SGPP2: variants seen among roughly 807,000 people sequenced by gnomAD.
SGPP2 encodes the protein sphingosine 1-phosphate phosphohydrolase 2.
In SGPP2, 30 loss-of-function variants were observed where a neutral mutation model predicts 33.9. The observed-to-expected ratio is 0.89, with a 90% CI of 0.66 to 1.20. The LOEUF (loss-of-function observed/expected upper bound fraction) is 1.20, where lower values mean the gene tolerates loss of function less well. Ranked by LOEUF, SGPP2 falls within the 50% of genes most tolerant of loss-of-function variation. The pLI is 0.00. For missense variants in SGPP2, 458 were observed against 532.1 expected (o/e 0.86, Z 1.37); for synonymous variants, 233 against 225.0 (o/e 1.04, Z -0.32).
rs78225544 is a variant in SGPP2, at chr2:222,432,086, T to C, written c.219+7265T>C. Among the ~76,000 whole-genome samples the C allele has an allele frequency of 5.5e-3, 840 of 152,316 alleles. 28 individuals carry two copies. The East Asian group carries it at 0.13, about 23-fold the overall frequency. On this transcript the variant is annotated intron_variant, in intron 1 of 4. Coordinates refer to ENST00000321276, the MANE Select transcript of SGPP2 (RefSeq NM_152386.4). ...GGACTTTATCCTATAGACAAGAAGA[T>C]AGCAGTCAATTTCATCCCGTGTGCC...
intron 4 of SGPP2, among the ~76,000 whole-genome samples, chr2:222,531,287 A>G (rs1434094782): frequency 6.6e-6 from 1 of 152,236 alleles, no homozygotes; most frequent in Non-Finnish European, 1.5e-5. Flanking sequence ...AAGTGCAATC[A>G]AGGGAAGCAG....
rs919468778 is a variant in SGPP2 at position 222,559,088 on chromosome 2, C to T, written c.*190C>T. Reference sequence around the variant, plus strand: ...TGTCTCATAGCGGTCATTGGTCGTCCGTGGTGGTTGGTTGTGCTACAGTTG... The same window carrying T: ...TGTCTCATAGCGGTCATTGGTCGTCTGTGGTGGTTGGTTGTGCTACAGTTG... On this transcript the variant is annotated 3_prime_UTR_variant, in exon 5 of 5. Transcript: ENST00000321276. 2.9e-5 allele frequency: 16 copies of T among 556,700 alleles called. No individual in the cohort carries two copies. Among genetic ancestry groups the T allele is most frequent in the Non-Finnish European group, 4.3e-5 (14 of 323,082 alleles). The allele number at this position is 556,700 out of a possible 1,614,324, so 34.5% of individuals were successfully genotyped here. A position where few individuals can be genotyped will look rare whatever the true frequency, so the allele number is the denominator to read the frequency against.
intron 4 of SGPP2, among the ~76,000 whole-genome samples, chr2:222,529,706 G>T (rs1264362170): frequency 6.6e-6 from 1 of 152,120 alleles, no homozygotes; most frequent in Non-Finnish European, 1.5e-5. Context: ...TTATCCATAA[G>T]GGCTGGAATC....
intron 2 of SGPP2, among the ~76,000 whole-genome samples, chr2:222,479,827 A>AT (rs1698003209): frequency 1.3e-5 from 2 of 151,872 alleles, no homozygotes; most frequent in South Asian, 4.2e-4. Context: ...ACACACAAAA[A>AT]TTTGCAACCT....
chr2:222,542,724 A>G (rs1559174805), intron 4 of SGPP2, among the ~76,000 whole-genome samples: 1 of 148,032 alleles, frequency 6.8e-6, no homozygotes, highest in African/African-American at 2.5e-5. Flanking sequence ...TCTTTTACCT[A>G]TTTTTTTTAT....
Position 222,465,912 on chromosome 2 carries a change from C to T in SGPP2, c.220-8656C>T, listed in dbSNP as rs1251628552. ...ATCCAGGGCTCAGCTCAAATGGCTC[C>T]TCTGTGGCAAGCATCCCCAGACACA... On this transcript the variant is annotated intron_variant, in intron 1 of 4. Coordinates refer to ENST00000321276, the MANE Select transcript of SGPP2 (RefSeq NM_152386.4). This position sits in a 1 kb window ranked among gnomAD's most constrained non-coding sequence, Gnocchi z 4.1. Among the ~76,000 whole-genome samples, 1 of 152,168 alleles carries T rather than the reference C, an allele frequency of 6.6e-6. No homozygotes were observed. The highest frequency in any genetic ancestry group is 1.5e-5 in the Non-Finnish European group (1 of 68,032).
intron 4 of SGPP2, among the ~76,000 whole-genome samples, chr2:222,556,438 A>T (rs77568228): frequency 3.1e-5 from 4 of 129,132 alleles, no homozygotes; most frequent in Non-Finnish European, 3.3e-5. Context: ...GTCTCCCCCC[A>T]ACCCCGGCTC....
intron 2 of SGPP2, among the ~76,000 whole-genome samples, chr2:222,479,576 G>C (rs143668776): frequency 0.1 from 15,598 of 151,218 alleles, 1,047 homozygotes; most frequent in African/African-American, 0.18. Flanking sequence ...CTAATTTTTT[G>C]TATTTTTTAG....
At chr2:222,543,751 C>A (rs950560631) in intron 4 of SGPP2, among the ~76,000 whole-genome samples, 7 of 152,186 alleles carry the variant, frequency 4.6e-5, no homozygotes, top group Non-Finnish European at 1.0e-4. Context: ...TTATTTACTG[C>A]AGTTTTGTTA....
chr2:222,517,676 G>A (rs1212572559), intron 2 of SGPP2, among the ~76,000 whole-genome samples: 1 of 152,236 alleles, frequency 6.6e-6, no homozygotes, highest in Non-Finnish European at 1.5e-5. Flanking sequence ...GGGGCTTTGA[G>A]AGTTGCAGAC....
chr2:222,450,558 A>G (rs1340722808), intron 1 of SGPP2, among the ~76,000 whole-genome samples: 2 of 152,230 alleles, frequency 1.3e-5, no homozygotes. Context: ...CAAAAGCAGT[A>G]AGATGGGTTT....
intron 1 of SGPP2, among the ~76,000 whole-genome samples, chr2:222,466,585 G>A (rs185120033): frequency 2.8e-4 from 42 of 152,182 alleles, no homozygotes; most frequent in African/African-American, 8.9e-4. Context: ...AAAACATAAC[G>A]ACAGTTGTTC....
At chr2:222,496,395 CT>C (rs1559160930) in intron 2 of SGPP2, among the ~76,000 whole-genome samples, 1 of 152,192 alleles carries the variant, frequency 6.6e-6, no homozygotes, top group East Asian at 1.9e-4. Flanking sequence ...ATTTTGTATT[CT>C]GAACATTTCT....
chr2:222,508,836 GT>G (rs553700421), intron 2 of SGPP2, among the ~76,000 whole-genome samples: 146 of 152,158 alleles, frequency 9.6e-4, no homozygotes, highest in African/African-American at 3.4e-3. Context: ...TGCTTGCTTT[GT>G]TTTGGTGGTT....
intron 1 of SGPP2, among the ~76,000 whole-genome samples, chr2:222,442,187 C>T (rs1306464285): frequency 6.6e-6 from 1 of 152,168 alleles, no homozygotes; most frequent in African/African-American, 2.4e-5. Flanking sequence ...TATATCTCCT[C>T]TTCCCTCTGG....
chr2:222,536,895 A>G (rs774033124), intron 4 of SGPP2, among the ~76,000 whole-genome samples: 8 of 152,228 alleles, frequency 5.3e-5, no homozygotes, highest in Non-Finnish European at 1.0e-4. Context: ...GAAATGATTT[A>G]CTATAATTCC....
At chr2:222,493,251 G>A (rs1420967486) in intron 2 of SGPP2, among the ~76,000 whole-genome samples, 1 of 152,158 alleles carries the variant, frequency 6.6e-6, no homozygotes, top group Non-Finnish European at 1.5e-5. Flanking sequence ...TGCATGGCTG[G>A]GAAGGCCCCA....
In SGPP2 at chr2:222,550,012, A is replaced by C. The variant is rs1574891739; in HGVS notation, c.649-8335A>C. On this transcript the variant is annotated intron_variant, in intron 4 of 4. Coordinates refer to ENST00000321276, the MANE Select transcript of SGPP2 (RefSeq NM_152386.4). The surrounding 1 kb of genome is among the most constrained non-coding windows in gnomAD (Gnocchi z 4.5). ...CTGCCTCAGCCTCCTGAGTAGCTGG[A>C]ACTACAGGCACGCGCCACCACGTCT... Among the ~76,000 whole-genome samples the C allele has an allele frequency of 6.6e-6, 1 of 151,716 alleles. No individual in the cohort carries two copies. The highest frequency in any genetic ancestry group is 2.4e-5 in the African/African-American group (1 of 41,288).
intron 2 of SGPP2, among the ~76,000 whole-genome samples, chr2:222,516,065 T>C (rs2106129066): frequency 6.6e-6 from 1 of 152,192 alleles, no homozygotes; most frequent in East Asian, 1.9e-4. Flanking sequence ...TAAAAATATA[T>C]ACAAGTTCAC....
Sources: gnomAD v4.1 joint callset for allele counts (sites outside exome capture counted in the v4.1 genomes callset) on GRCh38, gnomAD v4.1.1 for gene constraint, Gnocchi (gnomAD v3.1) non-coding constraint, MANE v1.5 for transcripts, NCBI Gene and HGNC (gene_info 2026-07-23, HGNC 2026-07-21) for gene names.